The following ZC3H12C variants were observed in gnomAD, a reference collection of about 807,000 sequenced individuals.
ZC3H12C encodes probable ribonuclease ZC3H12C.
Under a neutral mutation model 76.3 loss-of-function variants are expected in ZC3H12C, and 20 were observed. The ratio of observed to expected loss-of-function variants is 0.26; its 90% CI spans 0.18 to 0.38. The LOEUF is 0.38. ZC3H12C is among the 10% of genes least tolerant of loss of function. The pLI is 1.00. For synonymous variants in ZC3H12C, 352 were observed against 399.6 expected, an observed-to-expected ratio of 0.88 and a Z score of 1.42; for missense variants, 874 against 1,086.5, an observed-to-expected ratio of 0.80 and a Z score of 2.75.
chr11:110,156,876 A>C (rs1428430481), intron 3 of ZC3H12C, among the ~76,000 whole-genome samples: 1 of 152,208 alleles, frequency 6.6e-6, no homozygotes, highest in Non-Finnish European at 1.5e-5. Context: ...GTATTCTGTC[A>C]TTTCTAAAAG....
chr11:110,127,636 T>G (rs1265788540), intron 1 of ZC3H12C, among the ~76,000 whole-genome samples: 1 of 152,154 alleles, frequency 6.6e-6, no homozygotes, highest in Non-Finnish European at 1.5e-5. Context: ...GGCTCATGCC[T>G]GTAATTCAAG....
chr11:110,134,292 A>G (rs1186134816), intron 1 of ZC3H12C, among the ~76,000 whole-genome samples: 1 of 152,102 alleles, frequency 6.6e-6, no homozygotes, highest in Non-Finnish European at 1.5e-5. Flanking sequence ...AGTCTCTTTT[A>G]TAGGCTTTTG....
At chr11:110,112,950 C>T (rs1861460045) in intron 1 of ZC3H12C, among the ~76,000 whole-genome samples, 1 of 152,100 alleles carries the variant, frequency 6.6e-6, no homozygotes, top group Non-Finnish European at 1.5e-5. Flanking sequence ...GTCATCTCTC[C>T]TGCCCCACTG....
At chr11:110,099,725 C>G (rs1591454751) in intron 1 of ZC3H12C, among the ~76,000 whole-genome samples, 1 of 151,804 alleles carries the variant, frequency 6.6e-6, no homozygotes, top group South Asian at 2.1e-4. Context: ...GGCAGGAGAA[C>G]TGCTTGAACC....
At chr11:110,100,212 C>CTTTTTTTTTT (rs10656341) in intron 1 of ZC3H12C, among the ~76,000 whole-genome samples, 2 of 134,214 alleles carry the variant, frequency 1.5e-5, no homozygotes, top group Admixed American at 7.6e-5. Flanking sequence ...CTATATGGTA[C>CTTTTTTTTTT]TTTTTTTTTT....
At position 110,113,346 on chromosome 11, in the gene ZC3H12C, T is replaced by A. The variant is rs182281524; in HGVS notation, c.21+19914T>A. Among the ~76,000 whole-genome samples, 42 of 152,356 alleles carry A rather than the reference T, an allele frequency of 2.8e-4. No homozygotes were observed. The East Asian group carries it at 7.3e-3, about 27-fold the overall frequency. On this transcript the variant is annotated intron_variant, in intron 1 of 5. Coordinates refer to ENST00000278590, the MANE Select transcript of ZC3H12C (RefSeq NM_033390.2). Reference sequence around the variant, plus strand: ...AGTATTCACCCATAGAAATGATGTTTCCCTACATATTACAGTTGAAACAAA... The same window carrying A: ...AGTATTCACCCATAGAAATGATGTTACCCTACATATTACAGTTGAAACAAA...
intron 1 of ZC3H12C, among the ~76,000 whole-genome samples, chr11:110,096,463 C>T (rs1449355907): frequency 2.0e-5 from 3 of 152,122 alleles, no homozygotes; most frequent in South Asian, 4.1e-4. Context: ...CTCATTTAAC[C>T]CTTGAACACC....
chr11:110,144,429 T>TC (rs1043462455), intron 2 of ZC3H12C, among the ~76,000 whole-genome samples: 1 of 152,138 alleles, frequency 6.6e-6, no homozygotes, highest in African/African-American at 2.4e-5. Flanking sequence ...AGAATAAGAA[T>TC]CCCAAGCTCA....
chr11:110,133,629 A>T (rs2134173501), intron 1 of ZC3H12C, among the ~76,000 whole-genome samples: 1 of 152,304 alleles, frequency 6.6e-6, no homozygotes, highest in South Asian at 2.1e-4. Context: ...ATAAATTATC[A>T]CTTTAAAAAT....
chr11:110,132,485 A>G (rs1861885356), intron 1 of ZC3H12C, among the ~76,000 whole-genome samples: 1 of 152,202 alleles, frequency 6.6e-6, no homozygotes, highest in African/African-American at 2.4e-5. Flanking sequence ...ATATTATTTA[A>G]TTTTCAACTT....
Position 110,164,466 on chromosome 11 carries a change from G to C in ZC3H12C, c.1381G>C (p.Glu461Gln). 6.2e-7 allele frequency: 1 copy of C among 1,613,984 alleles called. No individual in the cohort carries two copies. Among genetic ancestry groups the C allele is most frequent in the Non-Finnish European group, 8.5e-7 (1 of 1,179,884 alleles). ...AAATACGGCAGCCAAAACTGCAAAC[G>C]AAGGAGGACTGGTGAAAAGCAACAG... ...SRNTAAKTAN[E>Q]GGLVKSNSVP... The change falls in exon 6 of 6, where the codon GAA becomes CAA. Residue 461 changes from glutamate to glutamine, a missense_variant. Physicochemically the swap from Glu to Gln is conservative, Grantham distance 29. Coordinates refer to ENST00000278590, the MANE Select transcript of ZC3H12C (RefSeq NM_033390.2). This position sits in a 1 kb window ranked among gnomAD's most constrained non-coding sequence, Gnocchi z 5.7.
In ZC3H12C at chr11:110,171,608, T is replaced by C. The variant is rs2134209658; in HGVS notation, c.*5871T>C. 6.6e-6 allele frequency: 1 copy of C among 152,296 alleles called. No individual in the cohort carries two copies. The highest frequency in any genetic ancestry group is 2.1e-4 in the South Asian group (1 of 4,818). 9.4% of individuals were successfully genotyped at this position (152,296 alleles called of 1,614,324 possible). A position where few individuals can be genotyped will look rare whatever the true frequency, so the allele number is the denominator to read the frequency against. On this transcript the variant is annotated 3_prime_UTR_variant, in exon 6 of 6. Coordinates refer to ENST00000278590, the MANE Select transcript of ZC3H12C (RefSeq NM_033390.2). ...CTGCCACTGAGAAAAAAAAAATTTT[T>C]AATTCGTTTTTCTTATGCTGGTTTG...
At chr11:110,152,394 G>A (rs1198725927) in intron 2 of ZC3H12C, among the ~76,000 whole-genome samples, 1 of 152,210 alleles carries the variant, frequency 6.6e-6, no homozygotes, top group Non-Finnish European at 1.5e-5. Flanking sequence ...TTCAGTGAGT[G>A]TATAGTATGT....
intron 1 of ZC3H12C, among the ~76,000 whole-genome samples, chr11:110,108,786 A>G (rs1172206416): frequency 6.6e-6 from 1 of 152,238 alleles, no homozygotes; most frequent in African/African-American, 2.4e-5. Context: ...TATCTAAAAC[A>G]GAATTTTTAT....
chr11:110,149,423 G>T (rs191572940), intron 2 of ZC3H12C, among the ~76,000 whole-genome samples: 2 of 152,316 alleles, frequency 1.3e-5, no homozygotes, highest in Admixed American at 1.3e-4. Context: ...GTACCTGGAT[G>T]CAGAGCTACT....
At chr11:110,128,859 G>A (rs1363747767) in intron 1 of ZC3H12C, among the ~76,000 whole-genome samples, 7 of 115,916 alleles carry the variant, frequency 6.0e-5, no homozygotes, top group African/African-American at 2.3e-4. Flanking sequence ...TTATTCATGA[G>A]ATTTCAAAAA....
intron 1 of ZC3H12C, among the ~76,000 whole-genome samples, chr11:110,102,067 ATGT>A (rs1230145257): frequency 4.0e-5 from 6 of 151,684 alleles, no homozygotes; most frequent in Middle Eastern, 3.4e-3. Context: ...AAGGAGATTA[ATGT>A]TGTTTTCATG....
chr11:110,120,574 G>A (rs1861634781), intron 1 of ZC3H12C, among the ~76,000 whole-genome samples: 1 of 152,152 alleles, frequency 6.6e-6, no homozygotes, highest in South Asian at 2.1e-4. Flanking sequence ...AGCCTCTGCT[G>A]GAACATATGC....
Position 110,163,279 on chromosome 11 carries a change from GC to G in ZC3H12C, c.1160del (p.Pro387LeufsTer16). ...MYSFVNDKFM[P>X]PDDPLGRHGP... The stretch of plus-strand genomic sequence containing the variant: ...TTTATTATCTCCATGACAGGTTCAT[GC>G]CCCCTGATGACCCTCTTGGCAGACA... On this transcript the variant is annotated frameshift_variant, in exon 5 of 6. Transcript: ENST00000278590. LOFTEE classifies it high-confidence loss of function. 6.2e-7 allele frequency: 1 copy of G among 1,611,586 alleles called. No homozygotes were observed. The highest frequency in any genetic ancestry group is 8.5e-7 in the Non-Finnish European group (1 of 1,178,876).
Sources: allele counts gnomAD v4.1 joint callset (sites outside exome capture counted in the v4.1 genomes callset), GRCh38; gene constraint gnomAD v4.1.1; non-coding constraint Gnocchi (gnomAD v3.1); transcripts MANE v1.5; gene names NCBI Gene and HGNC (gene_info 2026-07-23, HGNC 2026-07-21).